Variants in IL2RA observed in about 807,000 individuals in gnomAD.
IL2RA encodes the protein interleukin-2 receptor subunit alpha.
A neutral mutation model predicts 37.8 loss-of-function variants in IL2RA; 24 were observed. That is an observed-to-expected ratio of 0.63 (90% CI 0.46 to 0.89). The LOEUF is 0.89. Ranked by LOEUF, IL2RA falls within the 40% of genes least tolerant of loss-of-function variation. The pLI is 0.00. For synonymous variants in IL2RA, 125 were observed against 114.6 expected, an observed-to-expected ratio of 1.09 and a Z score of -0.58; for missense variants, 319 against 348.6, an observed-to-expected ratio of 0.92 and a Z score of 0.68.
In IL2RA at chr10:6,014,578, G is replaced by GA. The variant is rs202098601; in HGVS notation, c.795-1683dup. ...GCTTTTGATCTTCAAACTAACAAAT[G>GA]AAAAAAATCCTTGCAAGGTGTTAAG... On this transcript the variant is annotated intron_variant, in intron 7 of 7. Coordinates refer to ENST00000379959, the MANE Select transcript of IL2RA (RefSeq NM_000417.3). The surrounding 1 kb of genome is among the most constrained non-coding windows in gnomAD (Gnocchi z 4.4). 7.7e-3 allele frequency among the ~76,000 whole-genome samples: 1,169 copies of GA among 152,190 alleles called. 20 individuals carry two copies. The highest frequency in any genetic ancestry group is 0.026 in the African/African-American group (1,099 of 41,540).
chr10:6,059,513 G>A (rs1243751500), intron 1 of IL2RA, among the ~76,000 whole-genome samples: 1 of 152,208 alleles, frequency 6.6e-6, no homozygotes, highest in African/African-American at 2.4e-5. Context: ...ACTAGGTGAA[G>A]TTAAGAAGTT....
rs1440590210 is a variant in IL2RA at position 6,036,661 on chromosome 10, T to C, written c.65-10636A>G. Among the ~76,000 whole-genome samples, 1 of 152,182 alleles carries C rather than the reference T, an allele frequency of 6.6e-6. No individual in the cohort carries two copies. The highest frequency in any genetic ancestry group is 1.5e-5 in the Non-Finnish European group (1 of 68,024). On this transcript the variant is annotated intron_variant, in intron 1 of 7. Coordinates refer to ENST00000379959, the MANE Select transcript of IL2RA (RefSeq NM_000417.3). This position sits in a 1 kb window ranked among gnomAD's most constrained non-coding sequence, Gnocchi z 6.1. The stretch of plus-strand genomic sequence containing the variant: ...CTGCACTCCCATAATCTGAAAGCTG[T>C]CCCTTTAATTTTTACCACTTCATTA...
chr10:6,019,370 A>G (rs1384643496), intron 6 of IL2RA, 58 bp downstream of exon 6: 1 of 1,313,028 alleles, frequency 7.6e-7, no homozygotes, highest in African/African-American at 1.5e-5. Context: ...TAACCAGTCA[A>G]CCTGTCCATA....
rs1226864593 is a variant in IL2RA, at chr10:6,020,952, T to TGTGTGTGC, written c.583+525_583+526insGCACACAC. ...GAGTATGTGTGTGTGTGTGTGTGTG[T>TGTGTGTGC]GCGCGCATGTGCACTGAGTAAGTCC... On this transcript the variant is annotated intron_variant, in intron 4 of 7. Coordinates refer to ENST00000379959, the MANE Select transcript of IL2RA (RefSeq NM_000417.3). This position sits in a 1 kb window ranked among gnomAD's most constrained non-coding sequence, Gnocchi z 5.6. Among the ~76,000 whole-genome samples, 1 of 143,444 alleles carries TGTGTGTGC rather than the reference T, an allele frequency of 7.0e-6. No homozygotes were observed. The highest frequency in any genetic ancestry group is 6.8e-5 in the Admixed American group (1 of 14,748). 94.1% of individuals were successfully genotyped at this position (143,444 alleles called of 152,430 possible). A position where few individuals can be genotyped will look rare whatever the true frequency, so the allele number is the denominator to read the frequency against.
At chr10:6,053,825 GCT>G (rs1840002433) in intron 1 of IL2RA, among the ~76,000 whole-genome samples, 1 of 152,140 alleles carries the variant, frequency 6.6e-6, no homozygotes, top group African/African-American at 2.4e-5. Flanking sequence ...TTGAAACATT[GCT>G]CTTTCTTCTT....
rs1839816661 is a variant in IL2RA at position 6,044,300 on chromosome 10, T to C, written c.64+17788A>G. Among the ~76,000 whole-genome samples the C allele has an allele frequency of 6.6e-6, 1 of 152,228 alleles. No homozygotes were observed. The highest frequency in any genetic ancestry group is 1.5e-5 in the Non-Finnish European group (1 of 68,036). On this transcript the variant is annotated intron_variant, in intron 1 of 7. Coordinates refer to ENST00000379959, the MANE Select transcript of IL2RA (RefSeq NM_000417.3). This position sits in a 1 kb window ranked among gnomAD's most constrained non-coding sequence, Gnocchi z 4.5. Reference sequence around the variant, plus strand: ...GAAAACAGCTTTATTGAAGTGGCAATGTTATAGTTCCGGCTGTGCTACAGC... The same window carrying C: ...GAAAACAGCTTTATTGAAGTGGCAACGTTATAGTTCCGGCTGTGCTACAGC...
intron 1 of IL2RA, among the ~76,000 whole-genome samples, chr10:6,042,148 C>CAAAATAAAAAAA (rs1839781743): frequency 1.8e-5 from 1 of 54,132 alleles, no homozygotes; most frequent in African/African-American, 7.6e-5. Context: ...ATGTATTAAG[C>CAAAATAAAAAAA]AAAAAAAAAA....
intron 1 of IL2RA, among the ~76,000 whole-genome samples, chr10:6,031,071 C>T (rs930615752): frequency 6.6e-6 from 1 of 151,848 alleles, no homozygotes; most frequent in Admixed American, 6.6e-5. Context: ...AGAAAAGGAA[C>T]AGCTAAGAAA....
Position 6,025,885 on chromosome 10 carries a change from C to T in IL2RA, c.205G>A (p.Gly69Arg), listed in dbSNP as rs779481535. ...KSGSLYMLCT[G>R]NSSHSSWDNQ... ...TCCCAGGACGAGTGGCTAGAGTTTCCTGTACAGAGCATATAGAGTGACCCG... is the reference window on the plus strand; with the variant it reads ...TCCCAGGACGAGTGGCTAGAGTTTCTTGTACAGAGCATATAGAGTGACCCG... The change falls in exon 2 of 8, where the codon GGA (glycine) becomes AGA (arginine). Residue 69 changes from glycine to arginine, a missense_variant. Coordinates refer to ENST00000379959, the MANE Select transcript of IL2RA (RefSeq NM_000417.3). This position sits in a 1 kb window ranked among gnomAD's most constrained non-coding sequence, Gnocchi z 4.4. The T allele has an allele frequency of 6.2e-7, 1 of 1,614,216 alleles. No homozygotes were observed. Among genetic ancestry groups the T allele is most frequent in the South Asian group, 1.1e-5 (1 of 91,088 alleles).
At chr10:6,031,484 A>ATGTATATATATATATATGTATATATG (rs1209360052) in intron 1 of IL2RA, among the ~76,000 whole-genome samples, 1 of 37,002 alleles carries the variant, frequency 2.7e-5, no homozygotes. Flanking sequence ...ATATATATAT[A>ATGTATATATATATATATGTATATATG]TATATATATG....
rs35567174 is a variant in IL2RA, at chr10:6,020,542, CT to C, written c.584-602del. Among the ~76,000 whole-genome samples, 14 of 149,054 alleles carry C rather than the reference CT, an allele frequency of 9.4e-5. No homozygotes were observed. In the South Asian group the frequency reaches 1.9e-3, roughly 20 times the overall value. ...AATACTTGTGGTTGAATGTAAGTCA[CT>C]TTTTTTTTTTGAGACGGAGTCTTGC... On this transcript the variant is annotated intron_variant, in intron 4 of 7. Transcript: ENST00000379959. The surrounding 1 kb of genome is among the most constrained non-coding windows in gnomAD (Gnocchi z 5.6).
In IL2RA at chr10:6,062,316, G is replaced by C. The variant is rs1840134586; in HGVS notation, c.-165C>G. ...GTGGGTCCATCCAGTCTCTATCGGA[G>C]TCAGGAGTTGCTCTCTTTAAGTATT... On this transcript the variant is annotated 5_prime_UTR_variant, in exon 1 of 8. Coordinates refer to ENST00000379959, the MANE Select transcript of IL2RA (RefSeq NM_000417.3). 1.7e-6 allele frequency: 1 copy of C among 602,126 alleles called. No homozygotes were observed. The highest frequency in any genetic ancestry group is 2.5e-5 in the Admixed American group (1 of 40,124). 37.3% of individuals were successfully genotyped at this position (602,126 alleles called of 1,614,324 possible). A position where few individuals can be genotyped will look rare whatever the true frequency, so the allele number is the denominator to read the frequency against.
Position 6,044,141 on chromosome 10 carries a change from T to A in IL2RA, c.64+17947A>T, listed in dbSNP as rs2132885038. Among the ~76,000 whole-genome samples, 1 of 152,326 alleles carries A rather than the reference T, an allele frequency of 6.6e-6. No individual in the cohort carries two copies. The highest frequency in any genetic ancestry group is 2.1e-4 in the South Asian group (1 of 4,824). Reference sequence around the variant, plus strand: ...TCAGCAGCTGAATTCAACACAATGATTAAGCCTAGAGCATCTTCCTAGAGA... The same window carrying A: ...TCAGCAGCTGAATTCAACACAATGAATAAGCCTAGAGCATCTTCCTAGAGA... On this transcript the variant is annotated intron_variant, in intron 1 of 7. Coordinates refer to ENST00000379959, the MANE Select transcript of IL2RA (RefSeq NM_000417.3). This position sits in a 1 kb window ranked among gnomAD's most constrained non-coding sequence, Gnocchi z 4.5.
chr10:6,042,116 A>T (rs776644016), intron 1 of IL2RA, among the ~76,000 whole-genome samples: 5 of 136,948 alleles, frequency 3.7e-5, no homozygotes, highest in Non-Finnish European at 6.2e-5. Flanking sequence ...GAATGTTAAC[A>T]CATTTGCACC....
rs1839892548 is a variant in IL2RA at position 6,047,925 on chromosome 10, T to C, written c.64+14163A>G. ...TATGAGGTGATGTGTTCTTCTCATC[T>C]CCGTTCTCTAGAGGCAGGAACTAAG... On this transcript the variant is annotated intron_variant, in intron 1 of 7. Coordinates refer to ENST00000379959, the MANE Select transcript of IL2RA (RefSeq NM_000417.3). The surrounding 1 kb of genome is among the most constrained non-coding windows in gnomAD (Gnocchi z 5.0). Among the ~76,000 whole-genome samples the C allele has an allele frequency of 6.6e-6, 1 of 152,208 alleles. No individual in the cohort carries two copies. The highest frequency in any genetic ancestry group is 2.1e-4 in the South Asian group (1 of 4,830).
intron 1 of IL2RA, among the ~76,000 whole-genome samples, chr10:6,059,467 G>T (rs12722491): frequency 0.018 from 2,705 of 152,212 alleles, 35 homozygotes; most frequent in Non-Finnish European, 0.024. Flanking sequence ...CTTTATAAAT[G>T]GTAGTTTTAA....
At chr10:6,016,353 A>G (rs12722701) in intron 7 of IL2RA, among the ~76,000 whole-genome samples, 4,238 of 151,230 alleles carry the variant, frequency 0.028, 243 homozygotes, top group African/African-American at 0.099. Context: ...TCTGTTCTTT[A>G]TAAGTTATAA....
chr10:6,059,092 GTTTC>G (rs1409119434), intron 1 of IL2RA, among the ~76,000 whole-genome samples: 1 of 152,228 alleles, frequency 6.6e-6, no homozygotes, highest in Non-Finnish European at 1.5e-5. Context: ...TGATGAGATG[GTTTC>G]TTACCCTGGA....
chr10:6,020,071 G>A lies in IL2RA; in HGVS notation c.584-130C>T, dbSNP rs755943068. On this transcript the variant is annotated intron_variant, in intron 4 of 7. Transcript: ENST00000379959. This position sits in a 1 kb window ranked among gnomAD's most constrained non-coding sequence, Gnocchi z 5.6. ...GCAGGAATCCTGGTGTGGGCACTTCGCCAGGGATGCCACCCCTCATGGTTC... is the reference window on the plus strand; with the variant it reads ...GCAGGAATCCTGGTGTGGGCACTTCACCAGGGATGCCACCCCTCATGGTTC... 9.1e-5 allele frequency: 66 copies of A among 721,944 alleles called. No individual in the cohort carries two copies. The highest frequency in any genetic ancestry group is 3.0e-4 in the Middle Eastern group (1 of 3,292). The allele number at this position is 721,944 out of a possible 1,614,324, so 44.7% of individuals were successfully genotyped here.
Sources: allele counts gnomAD v4.1 joint callset (sites outside exome capture counted in the v4.1 genomes callset), GRCh38; gene constraint gnomAD v4.1.1; non-coding constraint Gnocchi (gnomAD v3.1); transcripts MANE v1.5; gene names NCBI Gene and HGNC (gene_info 2026-07-23, HGNC 2026-07-21).